Variants in RNF111 observed in about 807,000 individuals in gnomAD.
RNF111 encodes the protein E3 ubiquitin-protein ligase Arkadia.
A neutral mutation model predicts 95.1 loss-of-function variants in RNF111; 17 were observed. That is an observed-to-expected ratio of 0.18 (90% CI 0.12 to 0.27). The LOEUF (loss-of-function observed/expected upper bound fraction) is 0.27. RNF111 is among the 10% of genes least tolerant of loss of function. The pLI is 1.00. For missense variants in RNF111, 1,189 were observed against 1,210.4 expected, an observed-to-expected ratio of 0.98 and a Z score of 0.26; for synonymous variants, 440 against 414.8, an observed-to-expected ratio of 1.06 and a Z score of -0.74.
chr15:59,028,593 A>G (rs1010412125), intron 1 of RNF111, among the ~76,000 whole-genome samples: 6 of 152,070 alleles, frequency 3.9e-5, no homozygotes, highest in South Asian at 2.1e-4. Context: ...ATTTCTTTCT[A>G]TTGCTGAGTA....
chr15:59,035,136 A>G (rs1256892846), intron 2 of RNF111, among the ~76,000 whole-genome samples: 16 of 152,204 alleles, frequency 1.1e-4, no homozygotes, highest in Admixed American at 6.5e-4. Flanking sequence ...TGTGAGACTT[A>G]CTCACTACCA....
At chr15:59,070,106 C>T (rs2042852306) in intron 6 of RNF111, among the ~76,000 whole-genome samples, 1 of 128,430 alleles carries the variant, frequency 7.8e-6, no homozygotes, top group Non-Finnish European at 1.6e-5. Flanking sequence ...AACTCCTGGG[C>T]TTAAGTAATC....
intron 2 of RNF111, among the ~76,000 whole-genome samples, chr15:59,038,419 A>C (rs1168467213): frequency 6.6e-6 from 1 of 152,230 alleles, no homozygotes; most frequent in Non-Finnish European, 1.5e-5. Context: ...GTAGAGTCCC[A>C]GGATCAGGAA....
At chr15:59,089,602 A>G (rs766054470) in intron 10 of RNF111, 65 bp from the exon 11 acceptor site, 21 of 1,242,118 alleles carry the variant, frequency 1.7e-5, no homozygotes, top group Admixed American at 6.8e-5. Flanking sequence ...GAATTATTCA[A>G]TGTTAACAGT....
chr15:59,047,734 C>G (rs2041780557), intron 2 of RNF111, among the ~76,000 whole-genome samples: 1 of 151,912 alleles, frequency 6.6e-6, no homozygotes, highest in African/African-American at 2.4e-5. Context: ...TGCTACCATG[C>G]CCAGGTAATT....
chr15:59,095,835 T>C lies in RNF111; in HGVS notation c.*935T>C, dbSNP rs1297806394. The C allele has an allele frequency of 2.0e-5, 8 of 394,980 alleles. No individual in the cohort carries two copies. Among genetic ancestry groups the C allele is most frequent in the Middle Eastern group, 6.3e-4 (1 of 1,592 alleles). The allele number at this position is 394,980 out of a possible 1,614,324, so 24.5% of individuals were successfully genotyped here. On this transcript the variant is annotated 3_prime_UTR_variant, in exon 14 of 14. Transcript: ENST00000348370. ...GCTTACATTGATTTTGTAGACACAT[T>C]AAGTCAAGATTTGGAATTTAAGTCA...
At chr15:59,033,439 G>T (rs1173825439) in intron 2 of RNF111, among the ~76,000 whole-genome samples, 1 of 152,196 alleles carries the variant, frequency 6.6e-6, no homozygotes, top group Non-Finnish European at 1.5e-5. Flanking sequence ...TGTACAGCCA[G>T]GTGAGAGGAG....
intron 1 of RNF111, among the ~76,000 whole-genome samples, chr15:58,999,271 C>T (rs542404892): frequency 6.6e-5 from 10 of 152,082 alleles, no homozygotes; most frequent in South Asian, 4.1e-4. Flanking sequence ...ATAGCATTAC[C>T]GCTCTTATTA....
At chr15:59,018,703 T>A (rs1160792479) in intron 1 of RNF111, among the ~76,000 whole-genome samples, 3 of 152,196 alleles carry the variant, frequency 2.0e-5, no homozygotes, top group African/African-American at 7.2e-5. Context: ...CGAAGAAGAA[T>A]CCTATAATAG....
At chr15:59,090,852 G>GT (rs1169918801) in intron 11 of RNF111, among the ~76,000 whole-genome samples, 1 of 152,100 alleles carries the variant, frequency 6.6e-6, no homozygotes, top group Non-Finnish European at 1.5e-5. Context: ...GAGGCCAGGA[G>GT]TTTGAGACCA....
At chr15:59,065,157 G>T (rs2042602463) in intron 5 of RNF111, among the ~76,000 whole-genome samples, 1 of 152,102 alleles carries the variant, frequency 6.6e-6, no homozygotes, top group Non-Finnish European at 1.5e-5. Flanking sequence ...CTGAGGAGAT[G>T]CCTCAGAATC....
At chr15:58,993,391 A>G (rs2141369521) in intron 1 of RNF111, among the ~76,000 whole-genome samples, 1 of 151,890 alleles carries the variant, frequency 6.6e-6, no homozygotes, top group South Asian at 2.1e-4. Context: ...TACAAAAATT[A>G]GCTGGGCGTG....
At chr15:59,015,132 G>A (rs1486712108) in intron 1 of RNF111, among the ~76,000 whole-genome samples, 1 of 151,978 alleles carries the variant, frequency 6.6e-6, no homozygotes, top group Admixed American at 6.6e-5. Context: ...TACTTACTAG[G>A]ACCAAAGTCG....
At chr15:59,050,897 A>C (rs1468404499) in intron 2 of RNF111, among the ~76,000 whole-genome samples, 1 of 152,206 alleles carries the variant, frequency 6.6e-6, no homozygotes, top group African/African-American at 2.4e-5. Flanking sequence ...ATAACTGAAA[A>C]TTAGAGGAGG....
intron 2 of RNF111, among the ~76,000 whole-genome samples, chr15:59,032,694 T>G (rs2040973925): frequency 6.6e-6 from 1 of 152,222 alleles, no homozygotes; most frequent in East Asian, 1.9e-4. Flanking sequence ...ATTTTTTCTT[T>G]AAGTACTATA....
intron 10 of RNF111, among the ~76,000 whole-genome samples, chr15:59,088,198 C>T (rs991041966): frequency 6.6e-6 from 1 of 152,068 alleles, no homozygotes; most frequent in Non-Finnish European, 1.5e-5. Flanking sequence ...GTGAAGTAAG[C>T]ATGACCCAGG....
intron 2 of RNF111, among the ~76,000 whole-genome samples, chr15:59,048,731 A>T (rs151101166): frequency 6.6e-6 from 1 of 152,274 alleles, no homozygotes; most frequent in African/African-American, 2.4e-5. Context: ...AAAGAAATGG[A>T]GGGTTACTTT....
At chr15:59,088,791 A>C (rs923937816) in intron 10 of RNF111, among the ~76,000 whole-genome samples, 2 of 152,204 alleles carry the variant, frequency 1.3e-5, no homozygotes, top group African/African-American at 4.8e-5. Context: ...ATATTGTAGA[A>C]TCATTAACAT....
chr15:59,024,425 G>A (rs571810888), intron 1 of RNF111, among the ~76,000 whole-genome samples: 23 of 151,380 alleles, frequency 1.5e-4, no homozygotes, highest in African/African-American at 5.3e-4. Flanking sequence ...ATTCTACTGA[G>A]ACGCTTTGTG....
Sources: allele counts gnomAD v4.1 joint callset (sites outside exome capture counted in the v4.1 genomes callset), GRCh38; gene constraint gnomAD v4.1.1; transcripts MANE v1.5; gene names NCBI Gene and HGNC (gene_info 2026-07-23, HGNC 2026-07-21).